PLOD2: variants seen among roughly 807,000 people sequenced by gnomAD.
The protein encoded by PLOD2 is lysine hydroxylase 2.
PLOD2 carries 65 observed loss-of-function variants against 101.0 expected under a neutral mutation model. That is an observed-to-expected ratio of 0.64 (90% CI 0.53 to 0.79). The LOEUF (loss-of-function observed/expected upper bound fraction) is 0.79, where lower values mean the gene tolerates loss of function less well. PLOD2 is among the 30% of genes least tolerant of loss of function. PLOD2 has a pLI of 0.00. For synonymous variants in PLOD2, 314 were observed against 302.9 expected (o/e 1.04, Z -0.38); for missense variants, 909 against 914.6 (o/e 0.99, Z 0.08).
At chr3:146,135,205 T>A (rs985632294) in intron 1 of PLOD2, among the ~76,000 whole-genome samples, 10 of 152,198 alleles carry the variant, frequency 6.6e-5, no homozygotes, top group African/African-American at 2.2e-4. Flanking sequence ...TTTTATAGCA[T>A]CAGTTTTGGC....
At chr3:146,071,780 G>A (rs1475108213) in intron 17 of PLOD2, among the ~76,000 whole-genome samples, 1 of 151,662 alleles carries the variant, frequency 6.6e-6, no homozygotes, top group Non-Finnish European at 1.5e-5. Flanking sequence ...GCTGCTTGAT[G>A]AGCATACACT....
chr3:146,140,138 G>A (rs1461520068), intron 1 of PLOD2, among the ~76,000 whole-genome samples: 1 of 152,046 alleles, frequency 6.6e-6, no homozygotes, highest in East Asian at 1.9e-4. Flanking sequence ...GTATGACCCA[G>A]TGCACTGGGT....
intron 12 of PLOD2, 118 bp downstream of exon 12, chr3:146,081,620 A>T (rs1936542558): frequency 1.3e-6 from 1 of 765,222 alleles, no homozygotes; most frequent in Non-Finnish European, 2.1e-6. Context: ...TGGGTTCTCA[A>T]ATTCCCATTA....
At chr3:146,138,585 G>A (rs2031363522) in intron 1 of PLOD2, among the ~76,000 whole-genome samples, 1 of 152,070 alleles carries the variant, frequency 6.6e-6, no homozygotes, top group Non-Finnish European at 1.5e-5. Context: ...TCATACATTG[G>A]CAGTGGAAGA....
chr3:146,120,694 A>T (rs2030060067), intron 3 of PLOD2, among the ~76,000 whole-genome samples: 1 of 152,150 alleles, frequency 6.6e-6, no homozygotes, highest in Admixed American at 6.6e-5. Context: ...CCTACAGAAT[A>T]GTAATATCTA....
At chr3:146,119,460 A>T (rs1399790143) in intron 3 of PLOD2, among the ~76,000 whole-genome samples, 9 of 150,936 alleles carry the variant, frequency 6.0e-5, no homozygotes, top group African/African-American at 2.2e-4. Context: ...TTTTTATTAT[A>T]CTTTAAGTTT....
At chr3:146,123,458 A>C (rs186725206) in intron 2 of PLOD2, 58 of 177,034 alleles carry the variant, frequency 3.3e-4, no homozygotes, top group Non-Finnish European at 5.8e-4. Flanking sequence ...GTTTTCTAAA[A>C]TGCTTTGGTT....
intron 12 of PLOD2, among the ~76,000 whole-genome samples, chr3:146,080,740 T>C (rs578150190): frequency 4.9e-4 from 74 of 152,240 alleles, no homozygotes; most frequent in Admixed American, 1.4e-3. Flanking sequence ...ATCAGGTATA[T>C]TGTCTATACA....
intron 1 of PLOD2, among the ~76,000 whole-genome samples, chr3:146,145,481 A>T (rs1056121886): frequency 2.0e-5 from 3 of 152,182 alleles, no homozygotes; most frequent in Non-Finnish European, 2.9e-5. Flanking sequence ...TGTGAGGAAG[A>T]TCAACATTCT....
At chr3:146,094,724 A>T (rs1681589982) in intron 7 of PLOD2, among the ~76,000 whole-genome samples, 1 of 152,214 alleles carries the variant, frequency 6.6e-6, no homozygotes, top group Non-Finnish European at 1.5e-5. Context: ...AAACTACTTT[A>T]AATTTCATAT....
chr3:146,133,723 A>G (rs898075493), intron 1 of PLOD2, among the ~76,000 whole-genome samples: 1 of 152,208 alleles, frequency 6.6e-6, no homozygotes, highest in Admixed American at 6.5e-5. Flanking sequence ...CAAACAGCAA[A>G]GAATGATCAC....
At chr3:146,084,917 C>T (rs1352448052) in intron 11 of PLOD2, among the ~76,000 whole-genome samples, 1 of 152,020 alleles carries the variant, frequency 6.6e-6, no homozygotes, top group East Asian at 1.9e-4. Flanking sequence ...TTTCACCTAG[C>T]TTTAAACAGA....
At chr3:146,116,524 G>T (rs1327334962) in intron 3 of PLOD2, among the ~76,000 whole-genome samples, 1 of 151,980 alleles carries the variant, frequency 6.6e-6, no homozygotes, top group African/African-American at 2.4e-5. Flanking sequence ...ATATCAATGG[G>T]ATACCTATAC....
At chr3:146,103,392 A>C (rs2108055341) in intron 6 of PLOD2, among the ~76,000 whole-genome samples, 1 of 152,294 alleles carries the variant, frequency 6.6e-6, no homozygotes, top group African/African-American at 2.4e-5. Flanking sequence ...AACTCAAGTC[A>C]GAGAGGAGCA....
At chr3:146,074,343 TC>T (rs764211063) in intron 15 of PLOD2, among the ~76,000 whole-genome samples, 5 of 151,570 alleles carry the variant, frequency 3.3e-5, no homozygotes, top group African/African-American at 4.8e-5. Context: ...AGACACAGAC[TC>T]AAAATAATTC....
chr3:146,121,101 G>C lies in PLOD2; in HGVS notation c.338+11C>G, dbSNP rs1447916519. On this transcript the variant is annotated intron_variant, in intron 3 of 19. Transcript: ENST00000282903. The stretch of plus-strand genomic sequence containing the variant: ...ATATAGATTTTAAAATCCACAGGGT[G>C]TTTCTCCTACCATTCAGTAAACATG... 6.4e-7 allele frequency: 1 copy of C among 1,566,014 alleles called. No homozygotes were observed. Among genetic ancestry groups the C allele is most frequent in the Non-Finnish European group, 8.8e-7 (1 of 1,136,516 alleles).
chr3:146,089,634 T>C (rs1042526261), intron 8 of PLOD2, among the ~76,000 whole-genome samples: 1 of 151,652 alleles, frequency 6.6e-6, no homozygotes, highest in African/African-American at 2.4e-5. Context: ...CCTCACACAT[T>C]ACTCCATTAT....
chr3:146,079,183 T>C lies in PLOD2; in HGVS notation c.1433A>G (p.Glu478Gly). The change falls in exon 13 of 20, where the codon GAA becomes GGA. Residue 478 changes from glutamate to glycine, a missense_variant. By Grantham distance (98) the Glu-to-Gly change is moderately conservative. Coordinates refer to ENST00000282903, the MANE Select transcript of PLOD2 (RefSeq NM_182943.3). ...KGKTLRSEMN[E>G]RNYFVRDKLD... ...TTTATCACGAACAAAATAGTTCCTTTCATTCATCTCTGATCGGAGTGTCTT... is the reference window on the plus strand; with the variant it reads ...TTTATCACGAACAAAATAGTTCCTTCCATTCATCTCTGATCGGAGTGTCTT... 1 of 1,611,986 alleles carries C rather than the reference T, an allele frequency of 6.2e-7. No homozygotes were observed. The highest frequency in any genetic ancestry group is 8.5e-7 in the Non-Finnish European group (1 of 1,178,170).
chr3:146,135,010 G>C (rs1035252622), intron 1 of PLOD2, among the ~76,000 whole-genome samples: 5 of 152,216 alleles, frequency 3.3e-5, no homozygotes, highest in African/African-American at 1.2e-4. Flanking sequence ...AAAATGGACA[G>C]AAGTCATAAC....
Sources: allele counts gnomAD v4.1 joint callset (sites outside exome capture counted in the v4.1 genomes callset), GRCh38; gene constraint gnomAD v4.1.1; transcripts MANE v1.5; gene names NCBI Gene and HGNC (gene_info 2026-07-23, HGNC 2026-07-21).